Variants in PHACTR1 observed in about 807,000 individuals in gnomAD.
PHACTR1 encodes RPEL repeat containing 1.
A neutral mutation model predicts 69.2 loss-of-function variants in PHACTR1; 16 were observed. That is an observed-to-expected ratio of 0.23 (90% CI 0.16 to 0.35). The LOEUF (loss-of-function observed/expected upper bound fraction) is 0.35. PHACTR1 is among the 10% of genes least tolerant of loss of function. The pLI is 1.00. For missense variants in PHACTR1, 510 were observed against 734.7 expected, an observed-to-expected ratio of 0.69 and a Z score of 3.54; for synonymous variants, 312 against 284.5, an observed-to-expected ratio of 1.10 and a Z score of -0.97.
chr6:12,779,572 G>A (rs528634110), intron 4 of PHACTR1, among the ~76,000 whole-genome samples: 1 of 152,166 alleles, frequency 6.6e-6, no homozygotes, highest in Admixed American at 6.5e-5. Context: ...TAACCCATTA[G>A]TTCCATTTCC....
At chr6:13,103,955 G>A (rs533567399) in intron 5 of PHACTR1, among the ~76,000 whole-genome samples, 11 of 152,254 alleles carry the variant, frequency 7.2e-5, no homozygotes, top group South Asian at 6.2e-4. Context: ...ATGGTGGCAC[G>A]CACCTGTAGT....
intron 10 of PHACTR1, among the ~76,000 whole-genome samples, chr6:13,242,426 G>A (rs2127377193): frequency 6.6e-6 from 1 of 152,310 alleles, no homozygotes; most frequent in Admixed American, 6.5e-5. Flanking sequence ...CTTGTGTAAA[G>A]GGACTGTCAC....
intron 10 of PHACTR1, among the ~76,000 whole-genome samples, chr6:13,239,950 G>A (rs574423772): frequency 6.6e-6 from 1 of 152,114 alleles, no homozygotes; most frequent in South Asian, 2.1e-4. Context: ...CCGGCAGTCT[G>A]TACATTTTTC....
At chr6:12,720,082 G>A (rs1453929790) in intron 3 of PHACTR1, among the ~76,000 whole-genome samples, 1 of 152,208 alleles carries the variant, frequency 6.6e-6, no homozygotes, top group Non-Finnish European at 1.5e-5. Flanking sequence ...AGTGAAGAAG[G>A]AAAAGAGTGA....
chr6:12,879,567 A>T (rs140683017), intron 4 of PHACTR1, among the ~76,000 whole-genome samples: 16 of 152,184 alleles, frequency 1.1e-4, no homozygotes, highest in South Asian at 8.3e-4. Flanking sequence ...CCTTTTTCTC[A>T]GGAGCTTTTT....
intron 8 of PHACTR1, among the ~76,000 whole-genome samples, chr6:13,219,823 A>G (rs1224361436): frequency 2.0e-5 from 3 of 152,210 alleles, no homozygotes; most frequent in African/African-American, 7.2e-5. Context: ...TTTGCGGTAT[A>G]AATTGCATTT....
At chr6:12,778,531 T>C (rs1344313554) in intron 4 of PHACTR1, among the ~76,000 whole-genome samples, 1 of 152,230 alleles carries the variant, frequency 6.6e-6, no homozygotes, top group African/African-American at 2.4e-5. Context: ...TTTTAATTCT[T>C]GCCTGTACTA....
At chr6:12,876,474 G>T (rs1475388404) in intron 4 of PHACTR1, among the ~76,000 whole-genome samples, 4 of 152,172 alleles carry the variant, frequency 2.6e-5, no homozygotes, top group African/African-American at 9.7e-5. Flanking sequence ...TTAGAAATCT[G>T]CTCTAATGAG....
chr6:12,989,952 T>G (rs945616891), intron 4 of PHACTR1, among the ~76,000 whole-genome samples: 2 of 151,968 alleles, frequency 1.3e-5, no homozygotes, highest in African/African-American at 2.4e-5. Flanking sequence ...TCTAAAGGAG[T>G]GTCTTTCTCC....
At chr6:12,878,822 T>C (rs1436894715) in intron 4 of PHACTR1, among the ~76,000 whole-genome samples, 1 of 152,194 alleles carries the variant, frequency 6.6e-6, no homozygotes, top group Non-Finnish European at 1.5e-5. Context: ...AAAGTGTTTA[T>C]ATTATACTTT....
chr6:13,181,124 A>G (rs1762124206), intron 6 of PHACTR1, among the ~76,000 whole-genome samples: 1 of 150,356 alleles, frequency 6.7e-6, no homozygotes, highest in South Asian at 2.1e-4. Context: ...ATGCCCTTGA[A>G]TCATATGCTG....
At chr6:13,152,905 G>A (rs1353114266) in intron 5 of PHACTR1, among the ~76,000 whole-genome samples, 1 of 152,116 alleles carries the variant, frequency 6.6e-6, no homozygotes, top group Non-Finnish European at 1.5e-5. Context: ...GACAGAATAA[G>A]CAGGCTTAGG....
intron 6 of PHACTR1, among the ~76,000 whole-genome samples, chr6:13,170,023 G>A (rs938696377): frequency 2.6e-5 from 4 of 152,204 alleles, no homozygotes; most frequent in African/African-American, 9.7e-5. Context: ...TCATTCATCA[G>A]CTGTGTACCA....
At chr6:13,058,131 C>T (rs1356269699) in intron 5 of PHACTR1, among the ~76,000 whole-genome samples, 4 of 152,158 alleles carry the variant, frequency 2.6e-5, no homozygotes, top group Admixed American at 2.0e-4. Context: ...CAATGCATCT[C>T]CACACCTGCC....
At position 13,191,973 on chromosome 6, in the gene PHACTR1, G is replaced by C. The variant is rs948991784; in HGVS notation, c.664+9287G>C. On this transcript the variant is annotated intron_variant, in intron 7 of 14. Coordinates refer to ENST00000332995, the MANE Select transcript of PHACTR1 (RefSeq NM_030948.6). ...AAACAGTTTTTAAAGGATGCTTTCTGCTCTGATTTCTATAACCAGGGCAAA... is the reference window on the plus strand; with the variant it reads ...AAACAGTTTTTAAAGGATGCTTTCTCCTCTGATTTCTATAACCAGGGCAAA... Among the ~76,000 whole-genome samples, 4 of 152,138 alleles carry C rather than the reference G, an allele frequency of 2.6e-5. No homozygotes were observed. In the East Asian group the frequency reaches 7.7e-4, roughly 29 times the overall value.
chr6:13,278,412 C>T, intron 12 of PHACTR1, 83 bp downstream of exon 12: 4 of 1,302,244 alleles, frequency 3.1e-6, no homozygotes, highest in Non-Finnish European at 4.3e-6. Context: ...GCCTCAGTGG[C>T]CTCACCGCTG....
At chr6:12,744,247 T>C (rs1228015836) in intron 3 of PHACTR1, among the ~76,000 whole-genome samples, 1 of 152,218 alleles carries the variant, frequency 6.6e-6, no homozygotes, top group African/African-American at 2.4e-5. Flanking sequence ...GCCATTCCCA[T>C]CAAAGCCTTG....
At chr6:12,765,207 CT>C (rs1339155505) in intron 4 of PHACTR1, among the ~76,000 whole-genome samples, 1 of 152,132 alleles carries the variant, frequency 6.6e-6, no homozygotes, top group African/African-American at 2.4e-5. Flanking sequence ...AGATGACTTG[CT>C]ATCTTTTATT....
intron 7 of PHACTR1, among the ~76,000 whole-genome samples, chr6:13,202,170 C>G (rs186508085): frequency 8.8e-4 from 134 of 152,312 alleles, no homozygotes; most frequent in Non-Finnish European, 2.6e-4. Flanking sequence ...CATAGAATTG[C>G]TGGGGCTCAC....
Sources: gnomAD v4.1 joint callset for allele counts (sites outside exome capture counted in the v4.1 genomes callset) on GRCh38, gnomAD v4.1.1 for gene constraint, MANE v1.5 for transcripts, NCBI Gene and HGNC (gene_info 2026-07-23, HGNC 2026-07-21) for gene names.